The following REXO2 variants were observed in gnomAD, a reference collection of about 807,000 sequenced individuals.
REXO2 encodes oligoribonuclease, mitochondrial.
REXO2 carries 17 observed loss-of-function variants against 30.9 expected under a neutral mutation model. That is an observed-to-expected ratio of 0.55 (90% CI 0.38 to 0.82). REXO2 has a LOEUF of 0.82. Among genes scored for constraint, REXO2 ranks in the 40% least tolerant of loss-of-function variants. The probability of loss-of-function intolerance (pLI) is 0.00; values close to 1 mark genes in which losing one functional copy is unlikely to be tolerated. For synonymous variants in REXO2, 105 were observed against 99.6 expected (o/e 1.05, Z -0.32); for missense variants, 253 against 293.2 (o/e 0.86, Z 1.00).
rs1397518492 is a variant in REXO2, at chr11:114,439,503, G to T, written c.-26G>T. On this transcript the variant is annotated 5_prime_UTR_variant, in exon 1 of 7. Coordinates refer to ENST00000265881, the MANE Select transcript of REXO2 (RefSeq NM_015523.4). ...CTGCGCCAGCGCCGGCTGCGAGACT[G>T]GGGCCGTGGCTGCTGGTCCCGGGTG... 1 of 1,600,690 alleles carries T rather than the reference G, an allele frequency of 6.2e-7. No individual in the cohort carries two copies. The highest frequency in any genetic ancestry group is 1.1e-5 in the South Asian group (1 of 90,774).
rs778789641 is a variant in REXO2, at chr11:114,439,510, T to A, written c.-19T>A. On this transcript the variant is annotated 5_prime_UTR_variant, in exon 1 of 7. Coordinates refer to ENST00000265881, the MANE Select transcript of REXO2 (RefSeq NM_015523.4). Reference sequence around the variant, plus strand: ...AGCGCCGGCTGCGAGACTGGGGCCGTGGCTGCTGGTCCCGGGTGATGCTAG... The same window carrying A: ...AGCGCCGGCTGCGAGACTGGGGCCGAGGCTGCTGGTCCCGGGTGATGCTAG... 1 of 1,602,238 alleles carries A rather than the reference T, an allele frequency of 6.2e-7. No homozygotes were observed. Among genetic ancestry groups the A allele is most frequent in the Admixed American group, 1.7e-5 (1 of 59,766 alleles).
chr11:114,443,787 A>T, intron 2 of REXO2, 69 bp from the exon 3 acceptor site: 1 of 1,155,842 alleles, frequency 8.7e-7, no homozygotes, highest in Non-Finnish European at 1.3e-6. Context: ...AAAACAGCTT[A>T]AGCTTTCCCT....
At chr11:114,444,728 A>G (rs1241886760) in intron 4 of REXO2, 76 bp downstream of exon 4, 3 of 869,924 alleles carry the variant, frequency 3.4e-6, no homozygotes, top group Non-Finnish European at 4.9e-6. Context: ...CAGAAAGACT[A>G]GCCGAGCCCA....
Position 114,443,933 on chromosome 11 carries a change from G to A in REXO2, c.309G>A (p.Lys103=). The part of the protein sequence containing the change: ...MSDWCKEHHG[K]SGLTKAVKES... ...ATTGGTGTAAGGAGCATCACGGGAA[G>A]GTAACATTACCAAATAACAGGATTG... Residue 103 remains lysine, a splice_region_variant and synonymous_variant, in exon 3 of 7, where the codon AAG becomes AAA. Transcript: ENST00000265881. 6.2e-7 allele frequency: 1 copy of A among 1,602,336 alleles called. No homozygotes were observed. The highest frequency in any genetic ancestry group is 8.5e-7 in the Non-Finnish European group (1 of 1,173,202).
At chr11:114,447,687 A>G in intron 5 of REXO2, 139 bp from the exon 6 acceptor site, 1 of 618,606 alleles carries the variant, frequency 1.6e-6, no homozygotes, top group Non-Finnish European at 2.8e-6. Flanking sequence ...AGGGTAGAAG[A>G]TAGAGGCCCC....
At chr11:114,440,024 A>G (rs543003958) in intron 1 of REXO2, 4 of 483,910 alleles carry the variant, frequency 8.3e-6, no homozygotes, top group East Asian at 9.8e-5. Flanking sequence ...GCTTCCCCCA[A>G]CTAAATCCTT....
chr11:114,448,758 A>G (rs1946526708), intron 6 of REXO2, among the ~76,000 whole-genome samples: 1 of 152,266 alleles, frequency 6.6e-6, no homozygotes, highest in Non-Finnish European at 1.5e-5. Flanking sequence ...TTCACACCAA[A>G]TGGCATAAGT....
chr11:114,448,698 G>A (rs1946526347), intron 6 of REXO2, among the ~76,000 whole-genome samples: 1 of 152,208 alleles, frequency 6.6e-6, no homozygotes, highest in South Asian at 2.1e-4. Flanking sequence ...CAAGGTTTGA[G>A]AAGCAGCCCA....
At position 114,447,689 on chromosome 11, in the gene REXO2, A is replaced by G. The variant is rs796375455; in HGVS notation, c.531-137A>G. Reference sequence around the variant, plus strand: ...AGAAAGAGAGGAGAGGGTAGAAGATAGAGGCCCCGGCAAAGAAGCAACTTG... The same window carrying G: ...AGAAAGAGAGGAGAGGGTAGAAGATGGAGGCCCCGGCAAAGAAGCAACTTG... On this transcript the variant is annotated intron_variant, in intron 5 of 6. Coordinates refer to ENST00000265881, the MANE Select transcript of REXO2 (RefSeq NM_015523.4). 20 of 621,018 alleles carry G rather than the reference A, an allele frequency of 3.2e-5. No homozygotes were observed. In the African/African-American group the frequency reaches 3.3e-4, roughly 10 times the overall value. 38.5% of individuals were successfully genotyped at this position (621,018 alleles called of 1,614,324 possible). A position where few individuals can be genotyped will look rare whatever the true frequency, so the allele number is the denominator to read the frequency against.
At chr11:114,444,438 G>A in intron 3 of REXO2, 103 bp from the exon 4 acceptor site, 1 of 787,652 alleles carries the variant, frequency 1.3e-6, no homozygotes, top group Admixed American at 2.1e-5. Flanking sequence ...GTCTATTTGT[G>A]GTTATATTTG....
In REXO2 at chr11:114,450,043, C is replaced by G. The variant is rs1591213202; in HGVS notation, c.*68C>G. 3.3e-6 allele frequency: 5 copies of G among 1,504,584 alleles called. No homozygotes were observed. In the East Asian group the frequency reaches 1.2e-4, roughly 36 times the overall value. The allele number at this position is 1,504,584 out of a possible 1,614,324, so 93.2% of individuals were successfully genotyped here. ...CTTCTGGTGGTTTTTTTTTCTCACG[C>G]TGATGGCTTGGCAGAGCACCTTCGG... On this transcript the variant is annotated 3_prime_UTR_variant, in exon 7 of 7. Transcript: ENST00000265881.
At chr11:114,441,573 AC>A (rs773454798) in intron 2 of REXO2, among the ~76,000 whole-genome samples, 1 of 152,204 alleles carries the variant, frequency 6.6e-6, no homozygotes, top group Non-Finnish European at 1.5e-5. Flanking sequence ...TCTGTTTTAT[AC>A]TGTCAGCAGT....
chr11:114,447,659 A>G (rs1049649355), intron 5 of REXO2, among the ~76,000 whole-genome samples, 167 bp from the exon 6 acceptor site: 1 of 152,194 alleles, frequency 6.6e-6, no homozygotes, highest in East Asian at 1.9e-4. Flanking sequence ...TAGAAAATAT[A>G]TAGAAGAAAG....
At position 114,439,545 on chromosome 11, in the gene REXO2, T is replaced by C; in HGVS notation, c.17T>C (p.Leu6Pro). 1 of 1,608,192 alleles carries C rather than the reference T, an allele frequency of 6.2e-7. No homozygotes were observed. Reference protein sequence around the residue: MLGGSLGSRLLRGVGG... With the variant: MLGGSPGSRLLRGVGG... ...TCCCGGGTGATGCTAGGCGGCTCCC[T>C]GGGCTCCAGGCTGTTGCGGGGTGTA... Residue 6 changes from leucine to proline, a missense_variant, in exon 1 of 7, where the codon CTG becomes CCG. Leu to Pro is a moderately conservative substitution (Grantham distance 98, BLOSUM62 -3). Transcript: ENST00000265881.
At chr11:114,439,894 T>G (rs1000407064) in intron 1 of REXO2, 3 of 582,546 alleles carry the variant, frequency 5.1e-6, no homozygotes, top group Admixed American at 6.6e-5. Context: ...AAGGGAGGAG[T>G]CCTCCGTGTG....
At chr11:114,440,259 A>G (rs1565269780) in intron 1 of REXO2, 1 of 407,542 alleles carries the variant, frequency 2.5e-6, no homozygotes, top group South Asian at 1.9e-5. Flanking sequence ...GTTTATATGA[A>G]GTGAGGATAA....
At chr11:114,440,564 CTA>C (rs1946469848) in intron 1 of REXO2, 90 bp from the exon 2 acceptor site, 2 of 936,216 alleles carry the variant, frequency 2.1e-6, no homozygotes, top group Middle Eastern at 2.2e-4. Flanking sequence ...TACAAGCTGA[CTA>C]TGTTTGAGGG....
chr11:114,446,354 T>C (rs1385044794), intron 5 of REXO2: 3 of 275,446 alleles, frequency 1.1e-5, no homozygotes, highest in Non-Finnish European at 2.0e-5. Flanking sequence ...ACTAATATTA[T>C]GTGGAAGTCT....
chr11:114,449,906 C>T lies in REXO2; in HGVS notation c.645C>T (p.Phe215=), dbSNP rs1462623967. ...KELQFYRNNI[F]KKKIDEKKRK... Reference sequence around the variant, plus strand: ...TTCAGTTTTACCGAAATAACATCTTCAAGAAAAAAATAGATGAAAAGAAGA... The same window carrying T: ...TTCAGTTTTACCGAAATAACATCTTTAAGAAAAAAATAGATGAAAAGAAGA... Residue 215 remains phenylalanine (F), a synonymous_variant, in exon 7 of 7, where the codon TTC becomes TTT. Transcript: ENST00000265881. The T allele has an allele frequency of 2.5e-6, 4 of 1,607,290 alleles. No individual in the cohort carries two copies. Among genetic ancestry groups the T allele is most frequent in the Non-Finnish European group, 3.4e-6 (4 of 1,177,124 alleles).
Sources: gnomAD v4.1 joint callset for allele counts (sites outside exome capture counted in the v4.1 genomes callset) on GRCh38, gnomAD v4.1.1 for gene constraint, MANE v1.5 for transcripts, NCBI Gene and HGNC (gene_info 2026-07-23, HGNC 2026-07-21) for gene names.